Variants in DHX40 observed in about 807,000 individuals in gnomAD.
DHX40 encodes probable ATP-dependent RNA helicase DHX40.
Under a neutral mutation model 89.6 loss-of-function variants are expected in DHX40, and 28 were observed. That is an observed-to-expected ratio of 0.31 (90% CI 0.23 to 0.43). The LOEUF (loss-of-function observed/expected upper bound fraction) is 0.43. Ranked by LOEUF, DHX40 falls within the 20% of genes least tolerant of loss-of-function variation. The pLI, the probability that DHX40 is intolerant of heterozygous loss-of-function variation, is 1.00. For missense variants in DHX40, 457 were observed against 844.0 expected, an observed-to-expected ratio of 0.54 and a Z score of 5.68; for synonymous variants, 226 against 283.6, an observed-to-expected ratio of 0.80 and a Z score of 2.04.
intron 14 of DHX40, among the ~76,000 whole-genome samples, chr17:59,601,022 G>A (rs997161724): frequency 2.0e-5 from 3 of 151,106 alleles, no homozygotes; most frequent in Admixed American, 6.6e-5. Context: ...CCCCATTCCC[G>A]ACAGTGCATG....
At position 59,570,667 on chromosome 17, in the gene DHX40, C is replaced by T. The variant is rs762315130; in HGVS notation, c.426+4C>T. On this transcript the variant is annotated splice_donor_region_variant and intron_variant, in intron 3 of 17. Coordinates refer to ENST00000251241, the MANE Select transcript of DHX40 (RefSeq NM_024612.5). ...TTTTGATGATTGCAGTTCTAAGGTA[C>T]AAAAGTCTTGTTGGTATTTGTTTCT... 4.4e-6 allele frequency: 7 copies of T among 1,603,224 alleles called. No homozygotes were observed. The highest frequency in any genetic ancestry group is 6.0e-6 in the Non-Finnish European group (7 of 1,174,794).
At chr17:59,565,828 T>G (rs1598126609) in intron 1 of DHX40, 45 bp downstream of exon 1, 1 of 1,503,034 alleles carries the variant, frequency 6.7e-7, no homozygotes, top group Non-Finnish European at 9.0e-7. Flanking sequence ...AGTTACGGCG[T>G]GGGGGTTTTG....
At chr17:59,606,226 G>A (rs552156845) in intron 17 of DHX40, among the ~76,000 whole-genome samples, 1 of 151,970 alleles carries the variant, frequency 6.6e-6, no homozygotes, top group Non-Finnish European at 1.5e-5. Flanking sequence ...GTATATCCAA[G>A]GGGCTTTTTC....
intron 12 of DHX40, among the ~76,000 whole-genome samples, chr17:59,591,720 T>C (rs1308599799): frequency 6.6e-6 from 1 of 151,780 alleles, no homozygotes; most frequent in East Asian, 1.9e-4. Context: ...TCTATATATG[T>C]ATATATAAAT....
chr17:59,597,958 C>T (rs1008379826), intron 12 of DHX40, among the ~76,000 whole-genome samples: 10 of 149,728 alleles, frequency 6.7e-5, no homozygotes, highest in African/African-American at 2.4e-4. Context: ...AAAAAACCTC[C>T]TGGGCTCAAG....
In DHX40 at chr17:59,569,692, G is replaced by GAA. The variant is rs1411166319; in HGVS notation, c.281-820_281-819dup. ...CAGAGCAATACTCCGTCTCAAAAAA[G>GAA]AAAAAAATATATATATATCTATATA... On this transcript the variant is annotated intron_variant, in intron 2 of 17. Transcript: ENST00000251241. Among the ~76,000 whole-genome samples, 64 of 133,848 alleles carry GAA rather than the reference G, an allele frequency of 4.8e-4. 1 individual carries two copies. The highest frequency in any genetic ancestry group is 3.9e-3 in the Middle Eastern group (1 of 258). The allele number at this position is 133,848 out of a possible 152,430, so 87.8% of individuals were successfully genotyped here.
In DHX40 at chr17:59,607,107, C is replaced by T. The variant is rs759667190; in HGVS notation, c.2275C>T (p.Arg759Cys). The part of the protein sequence containing the change: ...DDKSISDARA[R>C]FLERKQQRTQ... ...CAAATCCATATCTGATGCACGGGCTCGTTTCCTTGAGAGAAAGCAGCAGAG... is the reference window on the plus strand; with the variant it reads ...CAAATCCATATCTGATGCACGGGCTTGTTTCCTTGAGAGAAAGCAGCAGAG... The change falls in exon 18 of 18, where the codon CGT becomes TGT. Residue 759 changes from arginine to cysteine, a missense_variant. By Grantham distance (180) the Arg-to-Cys change is radical. This residue lies in a region of DHX40 where 120 missense variants were observed against 161.7 expected (regional missense o/e 0.74). Transcript: ENST00000251241. 5.6e-6 allele frequency: 9 copies of T among 1,614,120 alleles called. No individual in the cohort carries two copies. The highest frequency in any genetic ancestry group is 5.9e-6 in the Non-Finnish European group (7 of 1,180,022).
intron 12 of DHX40, among the ~76,000 whole-genome samples, chr17:59,594,603 C>T (rs948395827): frequency 2.0e-5 from 3 of 147,908 alleles, no homozygotes; most frequent in Non-Finnish European, 3.0e-5. Flanking sequence ...TAGTTGCAAA[C>T]GTACAAACCT....
rs753003634 is a variant in DHX40 at position 59,565,776 on chromosome 17, C to T, written c.105C>T (p.Ala35=). 17 of 1,600,182 alleles carry T rather than the reference C, an allele frequency of 1.1e-5. No individual in the cohort carries two copies. In the South Asian group the frequency reaches 1.8e-4, roughly 17 times the overall value. Reference sequence around the variant, plus strand: ...AGCGGCTCTCGGCTGTTTGCATCGCCGATAGAGGTGCGGTCCGCGGGACGG... The same window carrying T: ...AGCGGCTCTCGGCTGTTTGCATCGCTGATAGAGGTGCGGTCCGCGGGACGG... The part of the protein sequence containing the change: ...QEERLSAVCI[A]DREEKGCTSQ... Residue 35 remains alanine, a synonymous_variant, in exon 1 of 18, where the codon GCC becomes GCT. Transcript: ENST00000251241.
At position 59,607,255 on chromosome 17, in the gene DHX40, A is replaced by G. The variant is rs542396090; in HGVS notation, c.*83A>G. 15 of 1,613,618 alleles carry G rather than the reference A, an allele frequency of 9.3e-6. No homozygotes were observed. The African/African-American group carries it at 2.0e-4, about 22-fold the overall frequency. On this transcript the variant is annotated 3_prime_UTR_variant, in exon 18 of 18. Transcript: ENST00000251241. ...TTTGCCAGTTATTTCAGACAGCACT[A>G]CCAAGAGGAGGTGGTCAGCACTTGT...
chr17:59,602,815 G>T (rs537300781), intron 15 of DHX40, among the ~76,000 whole-genome samples, 199 bp downstream of exon 15: 54 of 152,316 alleles, frequency 3.5e-4, no homozygotes, highest in African/African-American at 1.3e-3. Flanking sequence ...CTCAAGTAGG[G>T]TAGGAGGGGT....
At chr17:59,586,857 AATT>A (rs969459330) in intron 11 of DHX40, among the ~76,000 whole-genome samples, 1 of 151,900 alleles carries the variant, frequency 6.6e-6, no homozygotes, top group African/African-American at 2.4e-5. Context: ...TGATATTAAT[AATT>A]ATTATTCTCT....
intron 12 of DHX40, among the ~76,000 whole-genome samples, chr17:59,591,129 T>C (rs2049075880): frequency 1.3e-5 from 2 of 151,606 alleles, no homozygotes; most frequent in African/African-American, 4.8e-5. Flanking sequence ...GCCGACATGG[T>C]GAAACCCTGT....
chr17:59,566,884 A>C, intron 2 of DHX40, 90 bp downstream of exon 2: 2 of 1,193,096 alleles, frequency 1.7e-6, no homozygotes, highest in Non-Finnish European at 2.3e-6. Flanking sequence ...ATGATTGCCC[A>C]GTATTTGCTT....
At position 59,566,631 on chromosome 17, in the gene DHX40, G is replaced by A. The variant is rs201617637; in HGVS notation, c.117G>A (p.Glu39=). Residue 39 remains glutamate, a synonymous_variant, in exon 2 of 18, where the codon GAG becomes GAA. Coordinates refer to ENST00000251241, the MANE Select transcript of DHX40 (RefSeq NM_024612.5). ...CTTGTTTTTCTGTTATTACAGAAGA[G>A]AAAGGATGCACGTCCCAGGAGGGAG... is the stretch of plus-strand genomic sequence containing the variant. ...LSAVCIADRE[E]KGCTSQEGGT... is the part of the protein sequence containing the mutation. The A allele has an allele frequency of 7.0e-6, 11 of 1,580,804 alleles. No individual in the cohort carries two copies. The highest frequency in any genetic ancestry group is 9.4e-6 in the Non-Finnish European group (11 of 1,170,844).
At chr17:59,565,846 G>T in intron 1 of DHX40, 63 bp downstream of exon 1, 1 of 1,393,656 alleles carries the variant, frequency 7.2e-7, no homozygotes, top group Non-Finnish European at 9.7e-7. Context: ...TTGGTGGGGG[G>T]ATGAAAGTAC....
rs1282102465 is a variant in DHX40, at chr17:59,565,705, C to T, written c.34C>T (p.Pro12Ser). The T allele has an allele frequency of 6.2e-7, 1 of 1,603,572 alleles. No individual in the cohort carries two copies. Among genetic ancestry groups the T allele is most frequent in the Non-Finnish European group, 8.5e-7 (1 of 1,179,618 alleles). Residue 12 changes from proline (P) to serine (S), a missense_variant, in exon 1 of 18, where the codon CCA (proline) becomes TCA (serine). Pro to Ser is a moderately conservative substitution (Grantham distance 74, BLOSUM62 -1). Transcript: ENST00000251241. Reference sequence around the variant, plus strand: ...GTTTCCCGCAGTCGCGGGCAGGGCGCCAAGGCGGCAGGAGGAGGGTGAGCG... The same window carrying T: ...GTTTCCCGCAGTCGCGGGCAGGGCGTCAAGGCGGCAGGAGGAGGGTGAGCG... ...SRFPAVAGRA[P>S]RRQEEGERSR...
chr17:59,576,772 T>C (rs944795330), intron 7 of DHX40, among the ~76,000 whole-genome samples: 2 of 152,212 alleles, frequency 1.3e-5, no homozygotes, highest in African/African-American at 4.8e-5. Context: ...TAACTAAATA[T>C]GTACATAGAC....
intron 10 of DHX40, among the ~76,000 whole-genome samples, chr17:59,580,831 T>C (rs1321461942): frequency 2.0e-5 from 3 of 150,944 alleles, no homozygotes; most frequent in African/African-American, 7.4e-5. Context: ...TCTGTAATCC[T>C]AGCACTTTGG....
Sources: gnomAD v4.1 joint callset for allele counts (sites outside exome capture counted in the v4.1 genomes callset) on GRCh38, gnomAD v4.1.1 for gene constraint, gnomAD v4.1.1 regional missense constraint, MANE v1.5 for transcripts, NCBI Gene and HGNC (gene_info 2026-07-23, HGNC 2026-07-21) for gene names.